FREM2: variants seen among roughly 807,000 people sequenced by gnomAD.
The protein encoded by FREM2 is FRAS1-related extracellular matrix protein 2.
FREM2 carries 119 observed loss-of-function variants against 219.9 expected under a neutral mutation model. That is an observed-to-expected ratio of 0.54 (90% CI 0.47 to 0.63). The LOEUF (loss-of-function observed/expected upper bound fraction) is 0.63, where lower values mean the gene tolerates loss of function less well. Among genes scored for constraint, FREM2 ranks in the 30% least tolerant of loss-of-function variants. The pLI, the probability that FREM2 is intolerant of heterozygous loss-of-function variation, is 0.00. For missense variants in FREM2, 4,030 were observed against 3,993.6 expected (o/e 1.01, Z -0.25); for synonymous variants, 1,562 against 1,522.8 (o/e 1.03, Z -0.60).
At chr13:38,829,370 A>G (rs1876420357) in intron 6 of FREM2, among the ~76,000 whole-genome samples, 1 of 152,146 alleles carries the variant, frequency 6.6e-6, no homozygotes. Context: ...AGGCCCTTTC[A>G]GCCTGTCATG....
At chr13:38,852,518 A>G (rs1269370702) in intron 11 of FREM2, among the ~76,000 whole-genome samples, 1 of 152,130 alleles carries the variant, frequency 6.6e-6, no homozygotes, top group Non-Finnish European at 1.5e-5. Flanking sequence ...AACTGTGATA[A>G]TAATCTATTT....
intron 6 of FREM2, among the ~76,000 whole-genome samples, chr13:38,793,208 T>G (rs1874632308): frequency 6.6e-6 from 1 of 152,222 alleles, no homozygotes; most frequent in East Asian, 1.9e-4. Flanking sequence ...CATGGCCTCT[T>G]AATTCATGGA....
At chr13:38,752,039 A>G (rs1872795001) in intron 2 of FREM2, among the ~76,000 whole-genome samples, 1 of 152,242 alleles carries the variant, frequency 6.6e-6, no homozygotes, top group African/African-American at 2.4e-5. Flanking sequence ...CAACTAATTA[A>G]ATAATACTAC....
chr13:38,782,703 A>C (rs1229242728), intron 4 of FREM2, among the ~76,000 whole-genome samples: 1 of 152,216 alleles, frequency 6.6e-6, no homozygotes, highest in Non-Finnish European at 1.5e-5. Flanking sequence ...GGACAAGATG[A>C]CTTTTGAGGT....
intron 13 of FREM2, among the ~76,000 whole-genome samples, chr13:38,858,494 A>G (rs1265211691): frequency 6.6e-6 from 1 of 152,192 alleles, no homozygotes. Context: ...AGGTCATTCT[A>G]GGAAGAAGGG....
rs369891021 is a variant in FREM2 at position 38,691,627 on chromosome 13, G to A, written c.4283G>A (p.Gly1428Glu). The change falls in exon 1 of 24, where the codon GGA (glycine) becomes GAA (glutamate). Residue 1428 changes from glycine to glutamate, a missense_variant. Gly to Glu is a moderately conservative substitution (Grantham distance 98). Transcript: ENST00000280481. ...DIVFPDVISKGVSLKEGGKVT... is the reference protein window; with the variant it reads ...DIVFPDVISKEVSLKEGGKVT... ...GTCTTCCCTGATGTGATAAGTAAGG[G>A]AGTGTCCTTGAAAGAAGGTGGCAAA... The A allele has an allele frequency of 2.2e-5, 35 of 1,613,986 alleles. No homozygotes were observed. Among genetic ancestry groups the A allele is most frequent in the Non-Finnish European group, 2.7e-5 (32 of 1,180,032 alleles).
intron 7 of FREM2, among the ~76,000 whole-genome samples, chr13:38,847,634 G>A (rs1434216487): frequency 1.3e-5 from 2 of 152,042 alleles, no homozygotes; most frequent in African/African-American, 4.8e-5. Flanking sequence ...AGGGAGATAT[G>A]GACATCCTAC....
At chr13:38,755,975 T>A (rs577439533) in intron 2 of FREM2, among the ~76,000 whole-genome samples, 1 of 152,274 alleles carries the variant, frequency 6.6e-6, no homozygotes, top group African/African-American at 2.4e-5. Context: ...CATACTAATA[T>A]TGTCATGGCC....
At position 38,769,782 on chromosome 13, in the gene FREM2, C is replaced by T. The variant is rs773247960; in HGVS notation, c.5615C>T (p.Thr1872Ile). 1 of 1,613,976 alleles carries T rather than the reference C, an allele frequency of 6.2e-7. No homozygotes were observed. The highest frequency in any genetic ancestry group is 8.5e-7 in the Non-Finnish European group (1 of 1,179,864). Reference sequence around the variant, plus strand: ...GCCTTGGAATTCCCCACAGTCGCCACTGTTGAGATCGTTGATCCAGGAGAT... The same window carrying T: ...GCCTTGGAATTCCCCACAGTCGCCATTGTTGAGATCGTTGATCCAGGAGAT... ...LAALEFPTVA[T>I]VEIVDPGDEP... The change falls in exon 4 of 24, where the codon ACT (threonine) becomes ATT (isoleucine). Residue 1872 changes from threonine to isoleucine, a missense_variant. Around this residue, in one of 2 missense-constraint regions of FREM2, gnomAD observed 3,102 missense variants for 2,950.7 expected, o/e 1.05. Transcript: ENST00000280481.
In FREM2 at chr13:38,848,461, C is replaced by A. The variant is rs564736884; in HGVS notation, c.6170C>A (p.Ala2057Asp). The change falls in exon 8 of 24, where the codon GCT (alanine) becomes GAT (aspartate). Residue 2057 changes from alanine (A) to aspartate (D), a missense_variant and splice_region_variant. Transcript: ENST00000280481. ...SRKTDPPSAD[A>D]GTDYVGISRN... Reference sequence around the variant, plus strand: ...GAATATTTTTTTGTTACTGTCATAGCTGGAACAGACTATGTGGGCATCAGC... The same window carrying A: ...GAATATTTTTTTGTTACTGTCATAGATGGAACAGACTATGTGGGCATCAGC... 10 of 1,608,702 alleles carry A rather than the reference C, an allele frequency of 6.2e-6. No individual in the cohort carries two copies. The East Asian group carries it at 2.2e-4, about 36-fold the overall frequency.
chr13:38,806,550 G>A (rs939111875), intron 6 of FREM2, among the ~76,000 whole-genome samples: 2 of 151,920 alleles, frequency 1.3e-5, no homozygotes, highest in African/African-American at 4.8e-5. Context: ...CAATAGTATT[G>A]TGTCTAAAAA....
intron 6 of FREM2, among the ~76,000 whole-genome samples, chr13:38,803,602 A>G (rs1272751692): frequency 1.3e-5 from 2 of 151,848 alleles, no homozygotes; most frequent in African/African-American, 2.4e-5. Flanking sequence ...CAGTGTTAAC[A>G]ATATTTCACT....
At chr13:38,700,960 C>T (rs1189048678) in intron 2 of FREM2, among the ~76,000 whole-genome samples, 2 of 152,014 alleles carry the variant, frequency 1.3e-5, no homozygotes, top group African/African-American at 2.4e-5. Flanking sequence ...CTTTGTAGTA[C>T]TCTTTCTTGG....
intron 2 of FREM2, among the ~76,000 whole-genome samples, chr13:38,751,208 T>TTTTTG (rs1872744073): frequency 7.2e-6 from 1 of 138,130 alleles, no homozygotes; most frequent in Non-Finnish European, 1.6e-5. Context: ...TTTTTTTTTT[T>TTTTTG]GAGGAACTTC....
chr13:38,818,667 A>T (rs1875868237), intron 6 of FREM2, among the ~76,000 whole-genome samples: 1 of 152,090 alleles, frequency 6.6e-6, no homozygotes, highest in Non-Finnish European at 1.5e-5. Flanking sequence ...AATATTATAT[A>T]TTATAAAAAA....
In FREM2 at chr13:38,688,397, C is replaced by G; in HGVS notation, c.1053C>G (p.Pro351=). 7 of 1,613,992 alleles carry G rather than the reference C, an allele frequency of 4.3e-6. No homozygotes were observed. In the Middle Eastern group the frequency reaches 1.2e-3, roughly 266 times the overall value. ...DMLAAEDAES[P]SDLLIFNLTS... The stretch of plus-strand genomic sequence containing the variant: ...TGGCAGCCGAGGATGCTGAGTCTCC[C>G]TCTGACCTGTTGATCTTCAACCTTA... Residue 351 remains proline (P), a synonymous_variant, in exon 1 of 24, where the codon CCC becomes CCG. Coordinates refer to ENST00000280481, the MANE Select transcript of FREM2 (RefSeq NM_207361.6).
Position 38,880,464 on chromosome 13 carries a change from T to C in FREM2, c.9187T>C (p.Trp3063Arg). 5.6e-6 allele frequency: 9 copies of C among 1,613,446 alleles called. No homozygotes were observed. The highest frequency in any genetic ancestry group is 7.6e-6 in the Non-Finnish European group (9 of 1,179,926). Reference sequence around the variant, plus strand: ...GATCAGGAGCACACCCTCACTGGCATGGGAGATTGGTGCTGAAAACAGTCG... The same window carrying C: ...GATCAGGAGCACACCCTCACTGGCACGGGAGATTGGTGCTGAAAACAGTCG... ...REIRSTPSLA[W>R]EIGAENSRGT... Residue 3063 changes from tryptophan to arginine, a missense_variant, in exon 24 of 24, where the codon TGG (tryptophan) becomes CGG (arginine). Trp to Arg is a moderately radical substitution (Grantham distance 101). Coordinates refer to ENST00000280481, the MANE Select transcript of FREM2 (RefSeq NM_207361.6).
Position 38,687,190 on chromosome 13 carries a change from C to T in FREM2, c.-155C>T. On this transcript the variant is annotated 5_prime_UTR_variant, in exon 1 of 24. Transcript: ENST00000280481. ...CTCCAGCCCGGACGGCGCCGCGCAA[C>T]TTTGCCATCCTTCTGGCCCAGCCCC... 1 of 1,091,438 alleles carries T rather than the reference C, an allele frequency of 9.2e-7. No individual in the cohort carries two copies. Among genetic ancestry groups the T allele is most frequent in the Admixed American group, 2.3e-5 (1 of 44,146 alleles). The allele number at this position is 1,091,438 out of a possible 1,614,324, so 67.6% of individuals were successfully genotyped here. A position where few individuals can be genotyped will look rare whatever the true frequency, so the allele number is the denominator to read the frequency against.
intron 5 of FREM2, 92 bp from the exon 6 acceptor site, chr13:38,784,465 C>G (rs1013308055): frequency 1.4e-6 from 2 of 1,406,590 alleles, no homozygotes; most frequent in African/African-American, 2.8e-5. Context: ...ACTAACTGAC[C>G]ATTAAAATGC....
Sources: allele counts gnomAD v4.1 joint callset (sites outside exome capture counted in the v4.1 genomes callset), GRCh38; gene constraint gnomAD v4.1.1; regional missense constraint gnomAD v4.1.1; transcripts MANE v1.5; gene names NCBI Gene and HGNC (gene_info 2026-07-23, HGNC 2026-07-21).